Variants in FMN1 observed in about 807,000 individuals in gnomAD.
The protein encoded by FMN1 is formin-1.
In FMN1, 110 loss-of-function variants were observed where a neutral mutation model predicts 132.4. The ratio of observed to expected loss-of-function variants is 0.83; its 90% CI spans 0.71 to 0.97. The LOEUF (loss-of-function observed/expected upper bound fraction) is 0.97. Ranked by LOEUF, FMN1 falls within the 50% of genes least tolerant of loss-of-function variation. FMN1 has a pLI of 0.00. For missense variants in FMN1, 1,792 were observed against 1,705.3 expected (o/e 1.05, Z -0.90); for synonymous variants, 722 against 651.7 (o/e 1.11, Z -1.64).
At chr15:32,952,134 T>C (rs986069671) in intron 9 of FMN1, among the ~76,000 whole-genome samples, 2 of 152,204 alleles carry the variant, frequency 1.3e-5, no homozygotes, top group African/African-American at 4.8e-5. Flanking sequence ...GGCTGGGTTT[T>C]ATAGGGCTAA....
chr15:33,022,614 C>A (rs775251471), intron 6 of FMN1, among the ~76,000 whole-genome samples: 15 of 152,140 alleles, frequency 9.9e-5, no homozygotes, highest in Admixed American at 4.6e-4. Context: ...CAGACAAGTA[C>A]CAAAGCAGAA....
In FMN1 at chr15:32,969,122, A is replaced by C. The variant is rs2031542930; in HGVS notation, c.2579T>G (p.Met860Arg). Residue 860 changes from methionine (M) to arginine (R), a missense_variant, in exon 8 of 21, where the codon ATG becomes AGG. Physicochemically the swap from Met to Arg is moderately conservative, Grantham distance 91. This residue lies in a region of FMN1 where 1,150 missense variants were observed against 1,043.1 expected (regional missense o/e 1.10). Coordinates refer to ENST00000616417, the MANE Select transcript of FMN1 (RefSeq NM_001277313.2). ...IHAALQPMEG[M>R]ASNQQKALPP... ...CAATGCCTTCTGCTGATTTGATGCC[A>C]TGCCCTCCATTGGCTGGAGTGCTGC... 7 of 1,613,334 alleles carry C rather than the reference A, an allele frequency of 4.3e-6. No homozygotes were observed. Among genetic ancestry groups the C allele is most frequent in the Admixed American group, 3.3e-5 (2 of 59,966 alleles).
rs60238287 is a variant in FMN1 at position 33,025,132 on chromosome 15, G to A, written c.2162-17057C>T. On this transcript the variant is annotated intron_variant, in intron 6 of 20. Transcript: ENST00000616417. ...CATATAGAAGGCTTCAAATATATTT[G>A]TAATGTTTTATTTCCTAAGTTAAGT... Among the ~76,000 whole-genome samples the A allele has an allele frequency of 3.9e-5, 6 of 152,254 alleles. No individual in the cohort carries two copies. In the East Asian group the frequency reaches 1.2e-3, roughly 29 times the overall value.
At position 33,055,934 on chromosome 15, in the gene FMN1, TCAGA is replaced by T. The variant is rs573632666; in HGVS notation, c.2161+9019_2161+9022del. Reference sequence around the variant, plus strand: ...AGACAATTCATTAAAATTAAGTGACTCAGACAGGCACCCACGAGGATATGCAATG... The same window carrying T: ...AGACAATTCATTAAAATTAAGTGACTCAGGCACCCACGAGGATATGCAATG... On this transcript the variant is annotated intron_variant, in intron 6 of 20. Transcript: ENST00000616417. 4.3e-3 allele frequency among the ~76,000 whole-genome samples: 661 copies of T among 152,252 alleles called. 5 individuals are homozygous for T. The highest frequency in any genetic ancestry group is 0.015 in the African/African-American group (637 of 41,554).
intron 11 of FMN1, among the ~76,000 whole-genome samples, chr15:32,908,976 A>G (rs1387731849): frequency 6.6e-6 from 1 of 152,114 alleles, no homozygotes; most frequent in African/African-American, 2.4e-5. Flanking sequence ...AACAGCCCTA[A>G]ATTATATGAA....
At chr15:33,059,728 A>G (rs898212462) in intron 6 of FMN1, among the ~76,000 whole-genome samples, 2 of 152,202 alleles carry the variant, frequency 1.3e-5, no homozygotes, top group Non-Finnish European at 2.9e-5. Flanking sequence ...CACTACTGTC[A>G]TCTGTAAAAT....
At chr15:33,168,131 T>G (rs2140314407) in intron 3 of FMN1, among the ~76,000 whole-genome samples, 1 of 152,300 alleles carries the variant, frequency 6.6e-6, no homozygotes, top group South Asian at 2.1e-4. Flanking sequence ...TTAAGTAACT[T>G]GTCCGAAGTC....
At chr15:32,842,690 T>G (rs190349539) in intron 17 of FMN1, among the ~76,000 whole-genome samples, 9 of 152,166 alleles carry the variant, frequency 5.9e-5, no homozygotes, top group Admixed American at 3.9e-4. Flanking sequence ...GAAAGACCCA[T>G]AGTCAAACGG....
At chr15:32,826,473 C>T (rs2058370229) in intron 17 of FMN1, among the ~76,000 whole-genome samples, 1 of 152,166 alleles carries the variant, frequency 6.6e-6, no homozygotes, top group Non-Finnish European at 1.5e-5. Flanking sequence ...GGGCTAATGT[C>T]ATCAGATCAA....
intron 16 of FMN1, among the ~76,000 whole-genome samples, chr15:32,875,532 G>A (rs2059616661): frequency 6.6e-6 from 1 of 151,926 alleles, no homozygotes; most frequent in Non-Finnish European, 1.5e-5. Flanking sequence ...TGGTAGGTCT[G>A]TGATCTTTCC....
chr15:33,126,983 G>T (rs1474072766), intron 4 of FMN1, among the ~76,000 whole-genome samples: 3 of 152,214 alleles, frequency 2.0e-5, no homozygotes, highest in Non-Finnish European at 2.9e-5. Context: ...GGAGAGGCTT[G>T]CAAGATGCTG....
At chr15:33,095,234 G>C (rs1347603551) in intron 4 of FMN1, among the ~76,000 whole-genome samples, 4 of 152,074 alleles carry the variant, frequency 2.6e-5, no homozygotes, top group Non-Finnish European at 4.4e-5. Flanking sequence ...TGTAATCCCA[G>C]CTACTTGGAA....
At chr15:32,889,162 T>G (rs898627179) in intron 15 of FMN1, among the ~76,000 whole-genome samples, 5 of 152,182 alleles carry the variant, frequency 3.3e-5, no homozygotes, top group African/African-American at 1.2e-4. Context: ...TTGTCTGGCT[T>G]ATCTTAGGAG....
intron 9 of FMN1, among the ~76,000 whole-genome samples, chr15:32,940,834 G>T (rs1248389014): frequency 6.6e-6 from 1 of 152,156 alleles, no homozygotes; most frequent in Non-Finnish European, 1.5e-5. Flanking sequence ...GGCCACTAGG[G>T]TAAAGGTTCT....
At chr15:33,184,883 G>A (rs550940946) in intron 2 of FMN1, among the ~76,000 whole-genome samples, 2 of 152,040 alleles carry the variant, frequency 1.3e-5, no homozygotes, top group Non-Finnish European at 2.9e-5. Flanking sequence ...AAGCGGAAAA[G>A]ACTGTATTCT....
At chr15:33,094,517 T>C (rs1470305737) in intron 4 of FMN1, among the ~76,000 whole-genome samples, 3 of 152,252 alleles carry the variant, frequency 2.0e-5, no homozygotes, top group South Asian at 4.1e-4. Flanking sequence ...GTTCCAAAAA[T>C]AGAATTCACG....
At chr15:32,992,948 G>A (rs971009613) in intron 7 of FMN1, among the ~76,000 whole-genome samples, 11 of 152,090 alleles carry the variant, frequency 7.2e-5, no homozygotes, top group African/African-American at 2.4e-4. Context: ...TTCATGGATT[G>A]CCTGAAAGAT....
At chr15:32,858,669 T>G (rs1289873627) in intron 16 of FMN1, among the ~76,000 whole-genome samples, 2 of 152,236 alleles carry the variant, frequency 1.3e-5, no homozygotes, top group African/African-American at 4.8e-5. Context: ...CAAAGACTAA[T>G]TTTTTAAATG....
At chr15:33,017,953 T>C (rs553702250) in intron 6 of FMN1, among the ~76,000 whole-genome samples, 3 of 151,908 alleles carry the variant, frequency 2.0e-5, no homozygotes, top group Non-Finnish European at 2.9e-5. Flanking sequence ...TAATCCCAGC[T>C]ACTCGGGGGG....
Sources: allele counts gnomAD v4.1 joint callset (sites outside exome capture counted in the v4.1 genomes callset), GRCh38; gene constraint gnomAD v4.1.1; regional missense constraint gnomAD v4.1.1; transcripts MANE v1.5; gene names NCBI Gene and HGNC (gene_info 2026-07-23, HGNC 2026-07-21).